Variants in ANK3 observed in about 807,000 individuals in gnomAD.
The protein encoded by ANK3 is ankyrin 3.
In ANK3, 57 loss-of-function variants were observed where a neutral mutation model predicts 370.9. The ratio of observed to expected loss-of-function variants is 0.15; its 90% CI spans 0.12 to 0.19. ANK3 has a LOEUF of 0.19. ANK3 is among the 10% of genes least tolerant of loss of function. ANK3 has a pLI of 1.00. For missense variants in ANK3, 4,439 were observed against 5,302.1 expected (o/e 0.84, Z 5.06); for synonymous variants, 1,929 against 1,946.3 (o/e 0.99, Z 0.23).
chr10:60,311,967 G>T (rs1488795463), intron 1 of ANK3, among the ~76,000 whole-genome samples: 2 of 152,114 alleles, frequency 1.3e-5, no homozygotes, highest in African/African-American at 2.4e-5. Context: ...TAGAATTTTA[G>T]TTCTTAAAAG....
chr10:60,428,857 A>C (rs1376199598), intron 2 of ANK3, among the ~76,000 whole-genome samples: 1 of 152,216 alleles, frequency 6.6e-6, no homozygotes, highest in Non-Finnish European at 1.5e-5. Flanking sequence ...TAGATTTGGT[A>C]GGAGAAAGAC....
rs144384265 is a variant in ANK3 at position 60,417,636 on chromosome 10, T to C, written c.97-137997A>G. ...AACCTGCAGAAAGAATGGATGAAAA[T>C]CTGCAGGAATTGCTGTGGTTTTCAT... On this transcript the variant is annotated intron_variant, in intron 2 of 43. Coordinates refer to the ANK3 transcript ENST00000373827. 2.8e-3 allele frequency among the ~76,000 whole-genome samples: 426 copies of C among 152,214 alleles called. 3 individuals are homozygous for C. Among genetic ancestry groups the C allele is most frequent in the African/African-American group, 9.4e-3 (392 of 41,520 alleles).
At chr10:60,683,111 C>T in intron 1 of ANK3, among the ~76,000 whole-genome samples, 1 of 152,098 alleles carries the variant, frequency 6.6e-6, no homozygotes, top group East Asian at 1.9e-4. Context: ...AGGAAAAACC[C>T]CCGCATCTTT....
chr10:60,629,215 G>A (rs12247162), intron 1 of ANK3, among the ~76,000 whole-genome samples: 3 of 152,140 alleles, frequency 2.0e-5, no homozygotes, highest in African/African-American at 7.2e-5. Flanking sequence ...TTGACAAGGA[G>A]CTTTATTACA....
intron 7 of ANK3, among the ~76,000 whole-genome samples, chr10:60,237,444 GT>G (rs144815327): frequency 0.022 from 3,385 of 152,208 alleles, 115 homozygotes; most frequent in African/African-American, 0.074. Flanking sequence ...GCCCTCACTG[GT>G]TGAGAAAGAC....
chr10:60,389,233 A>G (rs7083496), intron 1 of ANK3, among the ~76,000 whole-genome samples, 192 bp downstream of exon 1: 1 of 151,976 alleles, frequency 6.6e-6, no homozygotes, highest in African/African-American at 2.4e-5. Flanking sequence ...ACAGGAGAAA[A>G]CCGTCCCTCT....
At chr10:60,383,596 G>A (rs1308660275) in intron 1 of ANK3, among the ~76,000 whole-genome samples, 1 of 152,134 alleles carries the variant, frequency 6.6e-6, no homozygotes, top group Non-Finnish European at 1.5e-5. Context: ...GCCTCAAGGA[G>A]CTCATAGTCT....
chr10:60,196,456 G>A (rs932618289), intron 15 of ANK3, 71 bp downstream of exon 15: 1 of 1,089,132 alleles, frequency 9.2e-7, no homozygotes, highest in Middle Eastern at 2.0e-4. Flanking sequence ...GTGGCTATTA[G>A]TGAATATTAG....
At chr10:60,267,328 C>T (rs2097897627) in intron 5 of ANK3, among the ~76,000 whole-genome samples, 1 of 152,046 alleles carries the variant, frequency 6.6e-6, no homozygotes, top group African/African-American at 2.4e-5. Flanking sequence ...TGTTCTTATT[C>T]TCCAATTCCA....
intron 2 of ANK3, among the ~76,000 whole-genome samples, chr10:60,426,069 A>C (rs1023643115): frequency 2.1e-4 from 32 of 152,094 alleles, no homozygotes; most frequent in African/African-American, 7.2e-4. Flanking sequence ...AAATATTTGA[A>C]AAAGCTTGAA....
intron 18 of ANK3, among the ~76,000 whole-genome samples, chr10:60,176,191 A>AAC (rs1555069258): frequency 2.7e-3 from 336 of 123,306 alleles, no homozygotes; most frequent in African/African-American, 9.5e-3. Flanking sequence ...AAAAAAAAAA[A>AAC]AAAACAAAAA....
chr10:60,457,744 G>A (rs1245062143), intron 2 of ANK3, among the ~76,000 whole-genome samples: 1 of 152,074 alleles, frequency 6.6e-6, no homozygotes, highest in African/African-American at 2.4e-5. Context: ...GAAGATTCTA[G>A]GCTCTGCTTA....
At chr10:60,457,689 A>G (rs960969389) in intron 2 of ANK3, among the ~76,000 whole-genome samples, 1 of 152,046 alleles carries the variant, frequency 6.6e-6, no homozygotes, top group Non-Finnish European at 1.5e-5. Flanking sequence ...TGACAGGAAA[A>G]GAGTTAGAGT....
chr10:60,659,119 G>A (rs1462021879), intron 1 of ANK3, among the ~76,000 whole-genome samples: 1 of 151,992 alleles, frequency 6.6e-6, no homozygotes, highest in Non-Finnish European at 1.5e-5. Flanking sequence ...AAAAGCTAAA[G>A]GTATAAAACT....
chr10:60,327,293 CCT>C (rs1439096467), intron 1 of ANK3, among the ~76,000 whole-genome samples: 1 of 152,136 alleles, frequency 6.6e-6, no homozygotes, highest in Non-Finnish European at 1.5e-5. Context: ...GATTGACTGT[CCT>C]CTCTCTTTTG....
chr10:60,358,977 G>A (rs750324127), intron 1 of ANK3, among the ~76,000 whole-genome samples: 10 of 151,956 alleles, frequency 6.6e-5, no homozygotes, highest in Non-Finnish European at 1.3e-4. Context: ...CACCTTAGCC[G>A]AGTGTACCTT....
intron 1 of ANK3, among the ~76,000 whole-genome samples, chr10:60,653,788 G>A (rs2078824397): frequency 6.6e-6 from 1 of 151,886 alleles, no homozygotes; most frequent in African/African-American, 2.4e-5. Context: ...GAATCACTTG[G>A]GCCCAGGAGG....
chr10:60,507,836 T>C (rs1346695878), intron 2 of ANK3: 2 of 152,104 alleles, frequency 1.3e-5, no homozygotes, highest in Non-Finnish European at 2.9e-5. Flanking sequence ...AAGTCTATAA[T>C]GACAATGTAT....
chr10:60,302,674 C>T (rs968418987), intron 1 of ANK3, among the ~76,000 whole-genome samples: 8 of 152,098 alleles, frequency 5.3e-5, no homozygotes, highest in Non-Finnish European at 8.8e-5. Flanking sequence ...AAATAGTAAA[C>T]GTATGTCTTC....
Sources: gnomAD v4.1 joint callset for allele counts (sites outside exome capture counted in the v4.1 genomes callset) on GRCh38, gnomAD v4.1.1 for gene constraint, MANE v1.5 for transcripts, NCBI Gene and HGNC (gene_info 2026-07-23, HGNC 2026-07-21) for gene names.